The following ARHGAP44 variants were observed in gnomAD, a reference collection of about 807,000 sequenced individuals.
ARHGAP44 encodes rho GTPase-activating protein 44.
A neutral mutation model predicts 106.8 loss-of-function variants in ARHGAP44; 43 were observed. The ratio of observed to expected loss-of-function variants is 0.40; its 90% confidence interval spans 0.32 to 0.52. The LOEUF is 0.52. ARHGAP44 is among the 20% of genes least tolerant of loss of function. The pLI is 0.48. For missense variants in ARHGAP44, 866 were observed against 1,050.5 expected (o/e 0.82, Z 2.43); for synonymous variants, 439 against 410.3 (o/e 1.07, Z -0.85).
intron 1 of ARHGAP44, among the ~76,000 whole-genome samples, chr17:12,862,456 G>A (rs184197005): frequency 4.2e-4 from 64 of 152,270 alleles, no homozygotes; most frequent in African/African-American, 1.5e-3. Context: ...GTCCTTTGGA[G>A]CATAGGGGGC....
chr17:12,950,859 A>G (rs1034116805), intron 12 of ARHGAP44, among the ~76,000 whole-genome samples: 1 of 152,188 alleles, frequency 6.6e-6, no homozygotes, highest in East Asian at 1.9e-4. Flanking sequence ...GTTTCTCAAC[A>G]ACACCATGAG....
At chr17:12,791,438 G>A (rs1430703724) in intron 1 of ARHGAP44, among the ~76,000 whole-genome samples, 1 of 152,176 alleles carries the variant, frequency 6.6e-6, no homozygotes, top group Non-Finnish European at 1.5e-5. Flanking sequence ...GCGGGCATTG[G>A]CCATCACCTC....
intron 20 of ARHGAP44, chr17:12,985,119 T>C (rs1834339740): frequency 3.3e-6 from 2 of 602,872 alleles, no homozygotes; most frequent in Non-Finnish European, 5.6e-6. Context: ...GGGCTTCTTA[T>C]GGGATCTCTC....
intron 6 of ARHGAP44, 126 bp from the exon 7 acceptor site, chr17:12,928,803 T>G: frequency 1.3e-6 from 1 of 765,954 alleles, no homozygotes; most frequent in Non-Finnish European, 2.1e-6. Flanking sequence ...TTTCATGACC[T>G]CCCTTTTCCA....
Position 12,848,609 on chromosome 17 carries a change from AG to A in ARHGAP44, c.54-46330del, listed in dbSNP as rs11305196. Among the ~76,000 whole-genome samples, 481 of 152,322 alleles carry A rather than the reference AG, an allele frequency of 3.2e-3. 4 individuals are homozygous for A. In the Middle Eastern group the frequency reaches 0.041, roughly 13 times the overall value. Reference sequence around the variant, plus strand: ...CCAAATTCTCTGTTAATAATTTTATAGCCCTCTGCCAGGGTGCTTGTACACC... The same window carrying A: ...CCAAATTCTCTGTTAATAATTTTATACCCTCTGCCAGGGTGCTTGTACACC... On this transcript the variant is annotated intron_variant, in intron 1 of 20. Coordinates refer to ENST00000379672, the MANE Select transcript of ARHGAP44 (RefSeq NM_014859.6).
intron 19 of ARHGAP44, chr17:12,980,759 G>C (rs1301378440): frequency 6.5e-6 from 1 of 153,312 alleles, no homozygotes; most frequent in Admixed American, 6.4e-5. Flanking sequence ...AAAAGCTAAA[G>C]GTATGCTCCA....
chr17:12,817,405 C>A (rs566994634), intron 1 of ARHGAP44, among the ~76,000 whole-genome samples: 1 of 151,514 alleles, frequency 6.6e-6, no homozygotes, highest in South Asian at 2.1e-4. Flanking sequence ...TATATACCCA[C>A]AAAAATTAAG....
chr17:12,957,202 C>T (rs1209118436), intron 15 of ARHGAP44, among the ~76,000 whole-genome samples: 2 of 152,168 alleles, frequency 1.3e-5, no homozygotes, highest in Non-Finnish European at 2.9e-5. Context: ...AGGTGATCTG[C>T]CTGCCTCATC....
At chr17:12,968,042 G>A (rs991270089) in intron 16 of ARHGAP44, among the ~76,000 whole-genome samples, 3 of 152,188 alleles carry the variant, frequency 2.0e-5, no homozygotes, top group Non-Finnish European at 4.4e-5. Context: ...AGCATTGAAC[G>A]AAATATTGCT....
At chr17:12,968,329 A>G (rs956839536) in intron 16 of ARHGAP44, among the ~76,000 whole-genome samples, 2 of 152,244 alleles carry the variant, frequency 1.3e-5, no homozygotes, top group African/African-American at 2.4e-5. Flanking sequence ...GAAATATCCT[A>G]ACAGCCAAGG....
intron 10 of ARHGAP44, among the ~76,000 whole-genome samples, chr17:12,947,712 C>T (rs1463230792): frequency 6.6e-6 from 1 of 152,224 alleles, no homozygotes; most frequent in African/African-American, 2.4e-5. Flanking sequence ...TGGCATTTTC[C>T]ATCACCAAAT....
chr17:12,958,144 C>T lies in ARHGAP44; in HGVS notation c.1343-573C>T, dbSNP rs1292915738. ...TGCAGAGCTAATTTATTCTCATTGACTGGGAAAGGATGGGATGAGTACTTC... is the reference window on the plus strand; with the variant it reads ...TGCAGAGCTAATTTATTCTCATTGATTGGGAAAGGATGGGATGAGTACTTC... On this transcript the variant is annotated intron_variant, in intron 15 of 20. Transcript: ENST00000379672. This position sits in a 1 kb window ranked among gnomAD's most constrained non-coding sequence, Gnocchi z 4.1. Among the ~76,000 whole-genome samples the T allele has an allele frequency of 6.6e-6, 1 of 152,186 alleles. No homozygotes were observed. The highest frequency in any genetic ancestry group is 1.5e-5 in the Non-Finnish European group (1 of 68,042).
chr17:12,933,849 C>CT lies in ARHGAP44; in HGVS notation c.582+4820dup, dbSNP rs11303147. Among the ~76,000 whole-genome samples the CT allele has an allele frequency of 1.4e-3, 189 of 131,538 alleles. 2 individuals carry two copies. Among genetic ancestry groups the CT allele is most frequent in the East Asian group, 3.5e-3 (15 of 4,238 alleles). 86.3% of individuals were successfully genotyped at this position (131,538 alleles called of 152,430 possible). On this transcript the variant is annotated intron_variant, in intron 7 of 20. Transcript: ENST00000379672. The stretch of plus-strand genomic sequence containing the variant: ...CTCCCCATATTTCATCACATAAATT[C>CT]TTTTTTTTTTTTTTTTTGAGACGGT...
chr17:12,828,856 T>G (rs1184954894), intron 1 of ARHGAP44, among the ~76,000 whole-genome samples: 1 of 152,030 alleles, frequency 6.6e-6, no homozygotes, highest in Non-Finnish European at 1.5e-5. Flanking sequence ...TTAGCCAGGA[T>G]GGTCTCGATC....
rs150314321 is a variant in ARHGAP44, at chr17:12,989,355, G to A, written c.2318-677G>A. Among the ~76,000 whole-genome samples the A allele has an allele frequency of 3.6e-3, 542 of 152,220 alleles. 3 individuals are homozygous for A. The highest frequency in any genetic ancestry group is 0.011 in the African/African-American group (453 of 41,526). On this transcript the variant is annotated intron_variant, in intron 20 of 20. Transcript: ENST00000379672. ...TCTAAGGACTTCTGTCGTCTTTGCC[G>A]ACTCAGAGACGTCCAGACACTGAGC...
chr17:12,812,323 T>C (rs939314227), intron 1 of ARHGAP44, among the ~76,000 whole-genome samples: 1 of 152,004 alleles, frequency 6.6e-6, no homozygotes, highest in African/African-American at 2.4e-5. Flanking sequence ...GAACAAAAGG[T>C]GATTTCGGTT....
At chr17:12,919,588 A>G (rs3826374) in intron 5 of ARHGAP44, among the ~76,000 whole-genome samples, 167 bp from the exon 6 acceptor site, 33,248 of 151,924 alleles carry the variant, frequency 0.22, 6,209 homozygotes, top group African/African-American at 0.5. Context: ...GTTTCGCCAT[A>G]TTGGCCAGGC....
At chr17:12,790,069 C>T (rs2033691260) in intron 1 of ARHGAP44, 178 bp downstream of exon 1, 1 of 545,520 alleles carries the variant, frequency 1.8e-6, no homozygotes, top group Non-Finnish European at 3.0e-6. Context: ...TTCCCAGACC[C>T]CGGAGCTCTT....
At chr17:12,874,979 A>C (rs1408530714) in intron 1 of ARHGAP44, among the ~76,000 whole-genome samples, 5 of 151,698 alleles carry the variant, frequency 3.3e-5, no homozygotes, top group Non-Finnish European at 7.4e-5. Context: ...GTGGGATGGA[A>C]AATGGGGAAG....
Sources: allele counts gnomAD v4.1 joint callset (sites outside exome capture counted in the v4.1 genomes callset), GRCh38; gene constraint gnomAD v4.1.1; non-coding constraint Gnocchi (gnomAD v3.1); transcripts MANE v1.5; gene names NCBI Gene and HGNC (gene_info 2026-07-23, HGNC 2026-07-21).